The following HDX variants were observed in gnomAD, a reference collection of about 807,000 sequenced individuals.
HDX encodes the protein highly divergent homeobox.
In HDX, 19 loss-of-function variants were observed where a neutral mutation model predicts 45.2. The ratio of observed to expected loss-of-function variants is 0.42; its 90% CI spans 0.29 to 0.62. HDX has a LOEUF of 0.62. Ranked by LOEUF, HDX falls within the 20% of genes least tolerant of loss-of-function variation. HDX has a pLI of 0.20. For synonymous variants in HDX, 188 were observed against 172.8 expected (o/e 1.09, Z -0.69); for missense variants, 532 against 493.9 (o/e 1.08, Z -0.73).
At chrX:84,398,125 T>C (rs762771432) in intron 5 of HDX, among the ~76,000 whole-genome samples, 15 of 109,284 alleles carry the variant, frequency 1.4e-4, no homozygotes, top group South Asian at 1.2e-3. Flanking sequence ...CACACACACA[T>C]ATATATATAT....
At chrX:84,411,519 T>C (rs1488967763) in intron 5 of HDX, among the ~76,000 whole-genome samples, 2 of 111,760 alleles carry the variant, frequency 1.8e-5, no homozygotes, top group Non-Finnish European at 3.8e-5. Flanking sequence ...ACTGTGATCC[T>C]AGAGTGTGAT....
Position 84,336,077 on chromosome X carries a change from A to T in HDX, c.1740+724T>A, listed in dbSNP as rs769478159. On this transcript the variant is annotated intron_variant, in intron 8 of 10. Transcript: ENST00000373177. ...ACAGAACGTTGATTCAAAAGCAAAA[A>T]CAAAAGGACAATGACATTCCCCTTT... 4.5e-5 allele frequency among the ~76,000 whole-genome samples: 5 copies of T among 110,549 alleles called. 1 individual carries two copies. In the South Asian group the frequency reaches 1.9e-3, roughly 43 times the overall value.
chrX:84,396,631 C>G (rs931253116), intron 5 of HDX, among the ~76,000 whole-genome samples: 1 of 111,965 alleles, frequency 8.9e-6, no homozygotes, highest in Non-Finnish European at 1.9e-5. Flanking sequence ...TGGTATATCT[C>G]TCTGGGTTTT....
At chrX:84,417,263 A>C (rs2039136317) in intron 5 of HDX, among the ~76,000 whole-genome samples, 1 of 112,060 alleles carries the variant, frequency 8.9e-6, no homozygotes, top group South Asian at 3.7e-4. Flanking sequence ...AGAAAGTCCC[A>C]GTCCTTGTTT....
At position 84,437,305 on chromosome X, in the gene HDX, CT is replaced by C. The variant is rs1246398620; in HGVS notation, c.1305+3226del. Among the ~76,000 whole-genome samples, 29 of 108,996 alleles carry C rather than the reference CT, an allele frequency of 2.7e-4. 1 individual carries two copies. The highest frequency in any genetic ancestry group is 6.0e-4 in the African/African-American group (18 of 30,070). The allele number at this position is 108,996 out of a possible 115,157, so 94.6% of individuals were successfully genotyped here. A position where few individuals can be genotyped will look rare whatever the true frequency, so the allele number is the denominator to read the frequency against. On this transcript the variant is annotated intron_variant, in intron 5 of 10. Transcript: ENST00000373177. ...CTACTTTGGTCACTACCTTAGGAGA[CT>C]TTTTTTTTAAGAGACAGGACCTTGC...
intron 6 of HDX, among the ~76,000 whole-genome samples, chrX:84,355,891 C>CA (rs201144512): frequency 1.2e-3 from 103 of 87,371 alleles, no homozygotes; most frequent in East Asian, 2.5e-3. Context: ...TGTAGCAGGA[C>CA]AAAAAAAAAA....
intron 4 of HDX, among the ~76,000 whole-genome samples, chrX:84,446,994 A>G (rs941165638): frequency 7.2e-5 from 8 of 111,652 alleles, no homozygotes; most frequent in East Asian, 5.7e-4. Context: ...TAGACAGCCA[A>G]TAGTGGCACA....
At chrX:84,433,701 TA>T (rs2039555818) in intron 5 of HDX, among the ~76,000 whole-genome samples, 1 of 111,336 alleles carries the variant, frequency 9.0e-6, no homozygotes, top group African/African-American at 3.3e-5. Flanking sequence ...ATTTTAGGAT[TA>T]TTTTTTCTAT....
At chrX:84,401,505 A>T (rs2038705230) in intron 5 of HDX, among the ~76,000 whole-genome samples, 2 of 112,282 alleles carry the variant, frequency 1.8e-5, no homozygotes, top group African/African-American at 6.5e-5. Context: ...AACCACAATG[A>T]GATACCATCT....
chrX:84,340,576 A>G (rs1188658068), intron 7 of HDX, among the ~76,000 whole-genome samples: 1 of 111,414 alleles, frequency 9.0e-6, no homozygotes, highest in Non-Finnish European at 1.9e-5. Flanking sequence ...GAAAATGGTT[A>G]GCATATTTTA....
rs186128194 is a variant in HDX, at chrX:84,364,868, G to A, written c.1306-3256C>T. On this transcript the variant is annotated intron_variant, in intron 5 of 10. Coordinates refer to ENST00000373177, the MANE Select transcript of HDX (RefSeq NM_001177479.2). ...GGGATCAAGGAGTATCACTCTTTCC[G>A]TGCCTAGCTTACTTCACTTAACAAA... 9.0e-5 allele frequency among the ~76,000 whole-genome samples: 10 copies of A among 110,719 alleles called. 1 individual carries two copies. Among genetic ancestry groups the A allele is most frequent in the Admixed American group, 7.8e-4 (8 of 10,307 alleles).
intron 5 of HDX, among the ~76,000 whole-genome samples, chrX:84,406,537 C>T (rs562234528): frequency 1.4e-4 from 1 of 7,329 alleles, no homozygotes; most frequent in Non-Finnish European, 1.0e-3. Flanking sequence ...CACACACACT[C>T]TATGTATCTA....
At chrX:84,372,597 TTGTG>T (rs1162278012) in intron 5 of HDX, among the ~76,000 whole-genome samples, 2 of 112,355 alleles carry the variant, frequency 1.8e-5, no homozygotes, top group Non-Finnish European at 3.8e-5. Flanking sequence ...TCTCATTGCA[TTGTG>T]TAAGTTCTTT....
intron 5 of HDX, among the ~76,000 whole-genome samples, chrX:84,408,081 C>T (rs1003321912): frequency 1.8e-5 from 2 of 111,624 alleles, no homozygotes; most frequent in Non-Finnish European, 3.8e-5. Context: ...GTTTTTGTTA[C>T]TATTGCTTTG....
At chrX:84,409,988 G>C (rs1194848610) in intron 5 of HDX, among the ~76,000 whole-genome samples, 4 of 105,817 alleles carry the variant, frequency 3.8e-5, no homozygotes, top group Non-Finnish European at 7.8e-5. Context: ...GGGAGGCAGA[G>C]GTTGCGGTGA....
In HDX at chrX:84,320,223, C is replaced by G. The variant is rs2036571126; in HGVS notation, c.*1666G>C. 9.0e-6 allele frequency: 1 copy of G among 110,891 alleles called. No homozygotes were observed. Among genetic ancestry groups the G allele is most frequent in the South Asian group, 3.7e-4 (1 of 2,672 alleles). The allele number at this position is 110,891 out of a possible 1,213,427, so 9.1% of individuals were successfully genotyped here. On this transcript the variant is annotated 3_prime_UTR_variant, in exon 11 of 11. Coordinates refer to ENST00000373177, the MANE Select transcript of HDX (RefSeq NM_001177479.2). ...GCTGCTTTCTCTGAATGGAATTTGA[C>G]TTGTCAGCAAGAAAAACTAACTATT... is the stretch of plus-strand genomic sequence containing the variant.
At chrX:84,454,641 C>T (rs1319231641) in intron 4 of HDX, among the ~76,000 whole-genome samples, 1 of 111,029 alleles carries the variant, frequency 9.0e-6, no homozygotes, top group Non-Finnish European at 1.9e-5. Flanking sequence ...TGCCAGGGGC[C>T]AGGGAGAACT....
intron 4 of HDX, among the ~76,000 whole-genome samples, chrX:84,449,699 A>G (rs925741969): frequency 2.0e-4 from 23 of 112,476 alleles, no homozygotes; most frequent in African/African-American, 7.4e-4. Context: ...CAATACTAGC[A>G]TCATGAAAAC....
intron 5 of HDX, among the ~76,000 whole-genome samples, chrX:84,435,679 G>T (rs977656737): frequency 5.6e-5 from 6 of 106,896 alleles, no homozygotes; most frequent in African/African-American, 1.7e-4. Context: ...TTCTTCTAGG[G>T]TTTTTATGGT....
Sources: gnomAD v4.1 joint callset for allele counts (sites outside exome capture counted in the v4.1 genomes callset) on GRCh38, gnomAD v4.1.1 for gene constraint, MANE v1.5 for transcripts, NCBI Gene and HGNC (gene_info 2026-07-23, HGNC 2026-07-21) for gene names.